Variants in WIPF3 observed in about 807,000 individuals in gnomAD.
WIPF3 encodes WAS/WASL-interacting protein family member 3.
A neutral mutation model predicts 38.9 loss-of-function variants in WIPF3; 33 were observed. That is an observed-to-expected ratio of 0.85 (90% CI 0.64 to 1.14). The LOEUF (loss-of-function observed/expected upper bound fraction) is 1.14, where lower values mean the gene tolerates loss of function less well. WIPF3 is among the 50% of genes most tolerant of loss of function. The pLI is 0.00. For missense variants in WIPF3, 711 were observed against 652.5 expected, an observed-to-expected ratio of 1.09 and a Z score of -0.98; for synonymous variants, 324 against 269.3, an observed-to-expected ratio of 1.20 and a Z score of -1.99.
intron 7 of WIPF3, among the ~76,000 whole-genome samples, chr7:29,903,633 A>G (rs902304196): frequency 4.6e-5 from 7 of 152,198 alleles, no homozygotes; most frequent in African/African-American, 1.7e-4. Flanking sequence ...TGGGGATTTA[A>G]GCTTGGGTAG....
chr7:29,863,608 A>C (rs1407736042), intron 2 of WIPF3, among the ~76,000 whole-genome samples: 1 of 152,180 alleles, frequency 6.6e-6, no homozygotes, highest in Non-Finnish European at 1.5e-5. Flanking sequence ...CTATTTTCAA[A>C]TCTTACTGGG....
chr7:29,832,172 C>T (rs1416780761), intron 1 of WIPF3, among the ~76,000 whole-genome samples: 1 of 152,176 alleles, frequency 6.6e-6, no homozygotes, highest in East Asian at 1.9e-4. Flanking sequence ...GTTAATACTT[C>T]AACCAACTCT....
chr7:29,884,573 A>G lies in WIPF3; in HGVS notation c.1079A>G (p.Lys360Arg), dbSNP rs1456893611. 2 of 1,605,136 alleles carry G rather than the reference A, an allele frequency of 1.2e-6. No homozygotes were observed. Among genetic ancestry groups the G allele is most frequent in the Admixed American group, 3.4e-5 (2 of 59,116 alleles). ...CCGGGCTCCCAGCCGTTCCTGCAGA[A>G]GAAGAGGCATGGCCGACCAGGTAAG... Reference protein sequence around the residue: ...APPGSQPFLQKKRHGRPGAGG... With the variant: ...APPGSQPFLQRKRHGRPGAGG... Residue 360 changes from lysine to arginine, a missense_variant, in exon 5 of 9, where the codon AAG (lysine) becomes AGG (arginine). Lys to Arg is a conservative substitution (Grantham distance 26). Transcript: ENST00000242140.
At chr7:29,900,550 A>T (rs979045634) in intron 7 of WIPF3, among the ~76,000 whole-genome samples, 2 of 152,192 alleles carry the variant, frequency 1.3e-5, no homozygotes, top group African/African-American at 4.8e-5. Context: ...AGCCAAAATG[A>T]TGACAACAAC....
At chr7:29,892,670 G>T (rs1273934225) in intron 7 of WIPF3, among the ~76,000 whole-genome samples, 1 of 152,234 alleles carries the variant, frequency 6.6e-6, no homozygotes, top group African/African-American at 2.4e-5. Context: ...ACCCACACCT[G>T]TCTGAACCCA....
chr7:29,835,260 A>G (rs1784782932), intron 2 of WIPF3, among the ~76,000 whole-genome samples: 1 of 151,952 alleles, frequency 6.6e-6, no homozygotes, highest in South Asian at 2.1e-4. Context: ...ACAACGAGAT[A>G]TAAAATCCTT....
intron 8 of WIPF3, among the ~76,000 whole-genome samples, chr7:29,911,793 G>A (rs1220669264): frequency 2.0e-5 from 3 of 152,104 alleles, no homozygotes; most frequent in South Asian, 4.2e-4. Flanking sequence ...AAAATGAATC[G>A]AAGACCTAAA....
intron 7 of WIPF3, among the ~76,000 whole-genome samples, chr7:29,893,762 G>A (rs928184562): frequency 1.3e-5 from 2 of 152,112 alleles, no homozygotes; most frequent in Non-Finnish European, 2.9e-5. Flanking sequence ...GGCTCATTCA[G>A]GCTCCTTTCC....
chr7:29,914,150 G>T (rs2072176), intron 8 of WIPF3, among the ~76,000 whole-genome samples: 32,730 of 152,080 alleles, frequency 0.22, 3,620 homozygotes, highest in African/African-American at 0.27. Context: ...TGCCTAAATC[G>T]GTTTCTTGCT....
chr7:29,848,816 T>C (rs1312562827), intron 2 of WIPF3, among the ~76,000 whole-genome samples: 2 of 152,140 alleles, frequency 1.3e-5, no homozygotes, highest in African/African-American at 4.8e-5. Flanking sequence ...CATAACAAGA[T>C]GGGCTGGAGT....
chr7:29,901,825 C>CAAAAAAAAAAAAAAAA (rs869296187), intron 7 of WIPF3, among the ~76,000 whole-genome samples: 1 of 82,592 alleles, frequency 1.2e-5, no homozygotes, highest in Non-Finnish European at 2.1e-5. Flanking sequence ...GTCCCTGTCT[C>CAAAAAAAAAAAAAAAA]AAAAAAAAAA....
intron 1 of WIPF3, among the ~76,000 whole-genome samples, chr7:29,809,503 A>C (rs1157198031): frequency 6.6e-6 from 1 of 152,250 alleles, no homozygotes; most frequent in Admixed American, 6.5e-5. Context: ...ACAAACTTCG[A>C]GGGGAACTAT....
rs543723994 is a variant in WIPF3, at chr7:29,901,383, A to ATT, written c.1352-2877_1352-2876dup. On this transcript the variant is annotated intron_variant, in intron 7 of 8. Transcript: ENST00000242140. The stretch of plus-strand genomic sequence containing the variant: ...CGGCCACTCACTTCTAGCAGCAGTG[A>ATT]TTTTTTTTTTTTTTTTTTTTTTTTT... Among the ~76,000 whole-genome samples the ATT allele has an allele frequency of 1.2e-3, 151 of 122,162 alleles. 1 individual carries two copies. The highest frequency in any genetic ancestry group is 1.9e-3 in the Non-Finnish European group (112 of 60,328). 80.1% of individuals were successfully genotyped at this position (122,162 alleles called of 152,430 possible).
At chr7:29,838,265 C>T (rs567642250) in intron 2 of WIPF3, among the ~76,000 whole-genome samples, 6 of 152,160 alleles carry the variant, frequency 3.9e-5, no homozygotes, top group African/African-American at 1.2e-4. Context: ...GAACTAGGCA[C>T]TTATAACTCT....
At chr7:29,849,661 C>G (rs1295528644) in intron 2 of WIPF3, among the ~76,000 whole-genome samples, 2 of 152,122 alleles carry the variant, frequency 1.3e-5, no homozygotes, top group Non-Finnish European at 2.9e-5. Context: ...AAGAGAAAAG[C>G]TTCTGGTCAT....
chr7:29,895,950 G>A (rs1458887326), intron 7 of WIPF3, among the ~76,000 whole-genome samples: 4 of 152,176 alleles, frequency 2.6e-5, no homozygotes, highest in African/African-American at 4.8e-5. Flanking sequence ...GTAAGTGAAA[G>A]AATCCAGAAA....
chr7:29,834,911 G>T (rs1784776632), intron 2 of WIPF3, 97 bp downstream of exon 2: 2 of 1,404,098 alleles, frequency 1.4e-6, no homozygotes, highest in South Asian at 2.6e-5. Flanking sequence ...GCACTGCCTA[G>T]CTTCCCTGTG....
intron 3 of WIPF3, 53 bp downstream of exon 3, chr7:29,876,015 G>C: frequency 6.3e-7 from 1 of 1,596,568 alleles, no homozygotes; most frequent in Non-Finnish European, 8.6e-7. Context: ...GGACAGGCAT[G>C]TGAGGCACAG....
At chr7:29,827,795 T>A (rs968284131) in intron 1 of WIPF3, among the ~76,000 whole-genome samples, 9 of 152,172 alleles carry the variant, frequency 5.9e-5, no homozygotes, top group African/African-American at 2.2e-4. Flanking sequence ...TGTGTTATTT[T>A]ACTATTATTA....
Sources: gnomAD v4.1 joint callset for allele counts (sites outside exome capture counted in the v4.1 genomes callset) on GRCh38, gnomAD v4.1.1 for gene constraint, MANE v1.5 for transcripts, NCBI Gene and HGNC (gene_info 2026-07-23, HGNC 2026-07-21) for gene names.